Variants in TANC1 observed in about 807,000 individuals in gnomAD.
The protein encoded by TANC1 is protein TANC1.
Under a neutral mutation model 149.7 loss-of-function variants are expected in TANC1, and 77 were observed. That is an observed-to-expected ratio of 0.51 (90% CI 0.43 to 0.62). The LOEUF is 0.62. Ranked by LOEUF, TANC1 falls within the 20% of genes least tolerant of loss-of-function variation. TANC1 has a pLI of 0.00. For missense variants in TANC1, 1,985 were observed against 2,321.8 expected (o/e 0.85, Z 2.98); for synonymous variants, 854 against 925.0 (o/e 0.92, Z 1.39).
intron 14 of TANC1, 34 bp from the exon 15 acceptor site, chr2:159,185,757 C>G (rs763151905): frequency 6.6e-7 from 1 of 1,507,534 alleles, no homozygotes; most frequent in Non-Finnish European, 9.2e-7. Context: ...GGAATGGGCT[C>G]TTCTGCTGTG....
chr2:159,108,909 G>C (rs2150007838), intron 4 of TANC1, among the ~76,000 whole-genome samples: 1 of 152,310 alleles, frequency 6.6e-6, no homozygotes, highest in Admixed American at 6.5e-5. Context: ...AGCCTTGCCT[G>C]GGGTGGGGCC....
intron 7 of TANC1, among the ~76,000 whole-genome samples, chr2:159,160,445 T>C: frequency 6.6e-6 from 1 of 152,162 alleles, no homozygotes; most frequent in South Asian, 2.1e-4. Context: ...GGAGTTTGAA[T>C]TTCTGTAAGG....
At chr2:159,059,734 G>A (rs2042093417) in intron 2 of TANC1, among the ~76,000 whole-genome samples, 1 of 151,902 alleles carries the variant, frequency 6.6e-6, no homozygotes, top group Non-Finnish European at 1.5e-5. Flanking sequence ...GAGAAATCTT[G>A]GAATGTCAAA....
At chr2:159,060,755 C>A (rs1321075730) in intron 2 of TANC1, among the ~76,000 whole-genome samples, 1 of 152,164 alleles carries the variant, frequency 6.6e-6, no homozygotes. Context: ...CAGTATGGCA[C>A]TCCAGAAGAG....
intron 19 of TANC1, among the ~76,000 whole-genome samples, chr2:159,203,228 G>A (rs1199889340): frequency 7.7e-6 from 1 of 129,570 alleles, no homozygotes; most frequent in African/African-American, 2.9e-5. Context: ...TTTTTTTTGA[G>A]ATGGAGTCTC....
chr2:159,048,361 G>A (rs530156878), intron 2 of TANC1, among the ~76,000 whole-genome samples: 1 of 152,282 alleles, frequency 6.6e-6, no homozygotes, highest in East Asian at 1.9e-4. Context: ...CTGTGGCTTC[G>A]TCTGGATACC....
Position 159,060,328 on chromosome 2 carries a change from G to A in TANC1, c.-15-5568G>A, listed in dbSNP as rs566898522. ...TTTGAGGCCAGGTGGATAGTTTGAT[G>A]GGAGAAGCCCCTTCATTAGAGCGTG... On this transcript the variant is annotated intron_variant, in intron 2 of 26. Transcript: ENST00000263635. Among the ~76,000 whole-genome samples the A allele has an allele frequency of 5.9e-5, 9 of 152,300 alleles. No individual in the cohort carries two copies. In the South Asian group the frequency reaches 1.9e-3, roughly 32 times the overall value.
chr2:159,145,430 C>A (rs1258641536), intron 5 of TANC1, among the ~76,000 whole-genome samples: 1 of 152,176 alleles, frequency 6.6e-6, no homozygotes, highest in Non-Finnish European at 1.5e-5. Context: ...GCCTCACAAC[C>A]TGTAGGAGGT....
chr2:159,151,118 G>A (rs2052754426), intron 7 of TANC1, among the ~76,000 whole-genome samples: 2 of 152,116 alleles, frequency 1.3e-5, no homozygotes, highest in Non-Finnish European at 2.9e-5. Context: ...GTTCCAGTCC[G>A]GACTCTTACG....
At chr2:159,156,449 G>A (rs1484819137) in intron 7 of TANC1, among the ~76,000 whole-genome samples, 1 of 152,202 alleles carries the variant, frequency 6.6e-6, no homozygotes, top group Non-Finnish European at 1.5e-5. Context: ...TATTGGTGTA[G>A]CAAGCATTTA....
intron 8 of TANC1, among the ~76,000 whole-genome samples, chr2:159,165,964 AT>A (rs1482885884): frequency 2.6e-5 from 4 of 152,250 alleles, no homozygotes; most frequent in Non-Finnish European, 5.9e-5. Context: ...AGGTTTTTTT[AT>A]TTTTATTTTT....
At position 159,217,602 on chromosome 2, in the gene TANC1, T is replaced by C. The variant is rs1410425670; in HGVS notation, c.3350T>C (p.Phe1117Ser). 1.2e-6 allele frequency: 2 copies of C among 1,614,112 alleles called. No homozygotes were observed. Among genetic ancestry groups the C allele is most frequent in the Non-Finnish European group, 1.7e-6 (2 of 1,180,024 alleles). Residue 1117 changes from phenylalanine to serine, a missense_variant, in exon 20 of 27, where the codon TTT becomes TCT. Physicochemically the swap from Phe to Ser is radical, Grantham distance 155. Transcript: ENST00000263635. ...RTNRRGVPPL[F>S]CAARQGHWQI... ...AACAGGAGAGGGGTTCCACCTTTGT[T>C]TTGTGCAGCACGCCAGGGGCATTGG...
chr2:159,228,428 C>A (rs1259238038), intron 25 of TANC1: 7 of 247,512 alleles, frequency 2.8e-5, no homozygotes, highest in Admixed American at 1.0e-4. Flanking sequence ...TACTTCCTAC[C>A]TTTTTTTTAA....
rs1391297288 is a variant in TANC1 at position 159,214,137 on chromosome 2, AAAAAG to A, written c.3245-3359_3245-3355del. Among the ~76,000 whole-genome samples the A allele has an allele frequency of 1.5e-3, 139 of 93,122 alleles. 1 individual carries two copies. The East Asian group carries it at 0.066, about 44-fold the overall frequency. 61.1% of individuals were successfully genotyped at this position (93,122 alleles called of 152,430 possible). ...AAGATCCTGTCTCAAAAAAAAAAAA[AAAAAG>A]GGGGAATTTAGTAACAGCAAATGTT... On this transcript the variant is annotated intron_variant, in intron 19 of 26. Transcript: ENST00000263635.
At chr2:159,138,998 G>A (rs772140544) in intron 5 of TANC1, among the ~76,000 whole-genome samples, 4 of 152,164 alleles carry the variant, frequency 2.6e-5, no homozygotes, top group Admixed American at 6.5e-5. Context: ...TGTGATGCAC[G>A]TTTTAGCCTT....
chr2:159,185,962 G>T, intron 15 of TANC1, 63 bp downstream of exon 15: 16 of 1,259,232 alleles, frequency 1.3e-5, no homozygotes, highest in Non-Finnish European at 1.8e-5. Context: ...TTGCTTTGGA[G>T]ATTTTAGACA....
chr2:158,990,598 A>T (rs2035515524), intron 1 of TANC1, among the ~76,000 whole-genome samples: 1 of 152,182 alleles, frequency 6.6e-6, no homozygotes, highest in African/African-American at 2.4e-5. Context: ...TTAAGCAAGC[A>T]AGGTGGGATG....
At chr2:159,034,019 G>C (rs1228243126) in intron 2 of TANC1, among the ~76,000 whole-genome samples, 1 of 152,202 alleles carries the variant, frequency 6.6e-6, no homozygotes, top group Non-Finnish European at 1.5e-5. Flanking sequence ...GGCAAATACA[G>C]TGGTGCAGTA....
rs73969431 is a variant in TANC1 at position 159,073,653 on chromosome 2, T to C, written c.61+7682T>C. ...TTTCACAAATTTTTATTAAAACTCC[T>C]CTGTAAAACACAAAGGTCTTATTTT... On this transcript the variant is annotated intron_variant, in intron 3 of 26. Coordinates refer to ENST00000263635, the MANE Select transcript of TANC1 (RefSeq NM_033394.3). 7.0e-3 allele frequency among the ~76,000 whole-genome samples: 1,074 copies of C among 152,352 alleles called. 8 individuals are homozygous for C. The highest frequency in any genetic ancestry group is 0.024 in the African/African-American group (1,002 of 41,576).
Sources: gnomAD v4.1 joint callset for allele counts (sites outside exome capture counted in the v4.1 genomes callset) on GRCh38, gnomAD v4.1.1 for gene constraint, MANE v1.5 for transcripts, NCBI Gene and HGNC (gene_info 2026-07-23, HGNC 2026-07-21) for gene names.